The following GRAMD4 variants were observed in gnomAD, a reference collection of about 807,000 sequenced individuals.
GRAMD4 encodes the protein GRAM domain containing 4, also known as GRAM domain-containing protein 4.
In GRAMD4, 25 loss-of-function variants were observed where a neutral mutation model predicts 83.9. The observed-to-expected ratio is 0.30, with a 90% CI of 0.22 to 0.42. The LOEUF is 0.42. Ranked by LOEUF, GRAMD4 falls within the 10% of genes least tolerant of loss-of-function variation. The pLI is 1.00. For synonymous variants in GRAMD4, 336 were observed against 320.9 expected, an observed-to-expected ratio of 1.05 and a Z score of -0.50; for missense variants, 593 against 788.7, an observed-to-expected ratio of 0.75 and a Z score of 2.97.
chr22:46,629,464 C>G (rs2081732188), intron 2 of GRAMD4, among the ~76,000 whole-genome samples: 1 of 152,152 alleles, frequency 6.6e-6, no homozygotes, highest in African/African-American at 2.4e-5. Context: ...GTTCCTGTAG[C>G]ACGTTGACAC....
At chr22:46,643,961 G>A (rs147124210) in intron 3 of GRAMD4, among the ~76,000 whole-genome samples, 69 of 152,046 alleles carry the variant, frequency 4.5e-4, no homozygotes, top group African/African-American at 1.4e-3. Context: ...CTTGCACCCC[G>A]CCCCCATTTC....
chr22:46,595,707 C>G (rs1310995520), intron 1 of GRAMD4, among the ~76,000 whole-genome samples: 3 of 152,248 alleles, frequency 2.0e-5, no homozygotes. Context: ...GCAGGGACCC[C>G]TGCGGCCGGT....
rs982138247 is a variant in GRAMD4, at chr22:46,659,727, C to T, written c.404+1420C>T. On this transcript the variant is annotated intron_variant, in intron 4 of 18. Coordinates refer to ENST00000406902, the MANE Select transcript of GRAMD4 (RefSeq NM_015124.5). The surrounding 1 kb of genome is among the most constrained non-coding windows in gnomAD (Gnocchi z 4.1). ...GCCCTGGGGGGCTCATGTGGGGGCTCATGTGGGGGCATCCAGCTGGTGTGG... is the reference window on the plus strand; with the variant it reads ...GCCCTGGGGGGCTCATGTGGGGGCTTATGTGGGGGCATCCAGCTGGTGTGG... Among the ~76,000 whole-genome samples the T allele has an allele frequency of 6.7e-6, 1 of 150,258 alleles. No homozygotes were observed. The highest frequency in any genetic ancestry group is 6.6e-5 in the Admixed American group (1 of 15,082).
intron 2 of GRAMD4, among the ~76,000 whole-genome samples, chr22:46,628,876 G>A (rs1394641603): frequency 6.6e-6 from 1 of 152,166 alleles, no homozygotes; most frequent in Admixed American, 6.5e-5. Context: ...GGGTGGCAGA[G>A]GGTATGGCGC....
chr22:46,588,023 T>C, intron 1 of GRAMD4: 8 of 854,938 alleles, frequency 9.4e-6, no homozygotes, highest in Non-Finnish European at 1.1e-5. Flanking sequence ...GGGTGGTGTC[T>C]ACTTGGCTCT....
In GRAMD4 at chr22:46,668,401, C is replaced by G. The variant is rs941467825; in HGVS notation, c.930+234C>G. Among the ~76,000 whole-genome samples, 5 of 152,178 alleles carry G rather than the reference C, an allele frequency of 3.3e-5. No homozygotes were observed. The East Asian group carries it at 9.7e-4, about 29-fold the overall frequency. On this transcript the variant is annotated intron_variant, in intron 11 of 18. Transcript: ENST00000406902. Reference sequence around the variant, plus strand: ...TTGGGGAAGGGGCCTCCTGATTCAGCCTCTGCGGACGGTGCGCGAGGGTGG... The same window carrying G: ...TTGGGGAAGGGGCCTCCTGATTCAGGCTCTGCGGACGGTGCGCGAGGGTGG...
rs375658129 is a variant in GRAMD4 at position 46,677,302 on chromosome 22, C to CTT, written c.*63_*64dup. ...GAATTTTCTTTTTCTTTTTCTTTTT[C>CTT]TTTTTTTTTTTTTACGATTTGGTAG... is the stretch of plus-strand genomic sequence containing the variant. On this transcript the variant is annotated 3_prime_UTR_variant, in exon 19 of 19. Coordinates refer to ENST00000406902, the MANE Select transcript of GRAMD4 (RefSeq NM_015124.5). 400 of 1,338,338 alleles carry CTT rather than the reference C, an allele frequency of 3.0e-4. No homozygotes were observed. The highest frequency in any genetic ancestry group is 1.2e-3 in the South Asian group (85 of 71,552). 82.9% of individuals were successfully genotyped at this position (1,338,338 alleles called of 1,614,324 possible).
At chr22:46,616,121 C>T (rs111213402), upstream of GRAMD4, among the ~76,000 whole-genome samples, 52,500 of 107,800 alleles carry the variant, frequency 0.49, 13,342 homozygotes, top group Non-Finnish European at 0.59. Flanking sequence ...TTCCCCTGTG[C>T]GTGCAGGTTC....
At chr22:46,584,883 A>G (rs2081133486) in intron 1 of GRAMD4, among the ~76,000 whole-genome samples, 1 of 152,176 alleles carries the variant, frequency 6.6e-6, no homozygotes, top group African/African-American at 2.4e-5. Flanking sequence ...TCCTCGGGGA[A>G]GGAGGAGAAA....
intron 18 of GRAMD4, among the ~76,000 whole-genome samples, chr22:46,676,927 G>A (rs1303458046): frequency 6.6e-6 from 1 of 152,260 alleles, no homozygotes; most frequent in African/African-American, 2.4e-5. Flanking sequence ...CTTGGGAGGA[G>A]GGAGGCACGG....
intron 1 of GRAMD4, among the ~76,000 whole-genome samples, chr22:46,626,234 T>A (rs1003593098): frequency 2.0e-5 from 3 of 152,172 alleles, no homozygotes; most frequent in African/African-American, 7.2e-5. Flanking sequence ...TCTGCTGGTT[T>A]CCAGGCGTGG....
At chr22:46,619,728 C>G (rs1333307214), upstream of GRAMD4, among the ~76,000 whole-genome samples, 1 of 152,200 alleles carries the variant, frequency 6.6e-6, no homozygotes, top group East Asian at 1.9e-4. Flanking sequence ...GGCTGTCCAG[C>G]TGCTGGTCTA....
At position 46,676,586 on chromosome 22, in the gene GRAMD4, G is replaced by A. The variant is rs899405060; in HGVS notation, c.1564-14G>A. On this transcript the variant is annotated splice_polypyrimidine_tract_variant and intron_variant, in intron 17 of 18. Transcript: ENST00000406902. ...AGGAGAGACCTGTGGTGACGGCCAC[G>A]CTTTGCCTTTCAGTACAAGGTCCTG... 6 of 1,549,014 alleles carry A rather than the reference G, an allele frequency of 3.9e-6. No homozygotes were observed. The highest frequency in any genetic ancestry group is 2.7e-5 in the African/African-American group (2 of 73,146).
At chr22:46,650,761 T>G (rs530902323) in intron 3 of GRAMD4, among the ~76,000 whole-genome samples, 1 of 152,334 alleles carries the variant, frequency 6.6e-6, no homozygotes, top group Non-Finnish European at 1.5e-5. Context: ...TCCTAGTCTG[T>G]GGCTGATTCT....
chr22:46,634,945 CAAA>C (rs879672333), intron 2 of GRAMD4, among the ~76,000 whole-genome samples: 3 of 128,382 alleles, frequency 2.3e-5, no homozygotes, highest in Admixed American at 7.8e-5. Flanking sequence ...TTCACCATCT[CAAA>C]AAAAAAAAAA....
rs1297733331 is a variant in GRAMD4, at chr22:46,678,183, G to A, written c.*932G>A. On this transcript the variant is annotated 3_prime_UTR_variant, in exon 19 of 19. Transcript: ENST00000406902. ...CCCCCAGGCTGCGGTTGCCTGGGTT[G>A]GTTGGGGGAGGAAGTGGGGAGGAGT... The A allele has an allele frequency of 1.0e-6, 1 of 985,326 alleles. No homozygotes were observed. The highest frequency in any genetic ancestry group is 4.7e-5 in the South Asian group (1 of 21,284). The allele number at this position is 985,326 out of a possible 1,614,324, so 61.0% of individuals were successfully genotyped here. A position where few individuals can be genotyped will look rare whatever the true frequency, so the allele number is the denominator to read the frequency against.
At chr22:46,600,643 T>C (rs557680997) in intron 1 of GRAMD4, among the ~76,000 whole-genome samples, 15 of 152,116 alleles carry the variant, frequency 9.9e-5, no homozygotes, top group Non-Finnish European at 1.9e-4. Flanking sequence ...TCCTGTACAC[T>C]CAGGTGCTAA....
At chr22:46,603,201 G>T (rs1450203344) in intron 1 of GRAMD4, among the ~76,000 whole-genome samples, 7 of 89,414 alleles carry the variant, frequency 7.8e-5, no homozygotes, top group African/African-American at 3.3e-4. Context: ...ATCTTCTCTT[G>T]TTTTTTTTTT....
At chr22:46,579,973 C>T (rs1158879770) in intron 1 of GRAMD4, among the ~76,000 whole-genome samples, 2 of 152,164 alleles carry the variant, frequency 1.3e-5, no homozygotes, top group Non-Finnish European at 2.9e-5. Flanking sequence ...ACACCAGGGA[C>T]TGGCTGGGTG....
Sources: allele counts gnomAD v4.1 joint callset (sites outside exome capture counted in the v4.1 genomes callset), GRCh38; gene constraint gnomAD v4.1.1; non-coding constraint Gnocchi (gnomAD v3.1); transcripts MANE v1.5; gene names NCBI Gene and HGNC (gene_info 2026-07-23, HGNC 2026-07-21).